Variants in ST6GALNAC5 observed in about 807,000 individuals in gnomAD.
The protein encoded by ST6GALNAC5 is ST6 N-acetylgalactosaminide alpha-2,6-sialyltransferase 5.
ST6GALNAC5 carries 27 observed loss-of-function variants against 33.6 expected under a neutral mutation model. The ratio of observed to expected loss-of-function variants is 0.80; its 90% CI spans 0.59 to 1.11. The LOEUF (loss-of-function observed/expected upper bound fraction) is 1.11. Ranked by LOEUF, ST6GALNAC5 falls within the 50% of genes least tolerant of loss-of-function variation. The pLI is 0.00. For synonymous variants in ST6GALNAC5, 194 were observed against 171.2 expected, an observed-to-expected ratio of 1.13 and a Z score of -1.04; for missense variants, 428 against 454.0, an observed-to-expected ratio of 0.94 and a Z score of 0.52.
chr1:76,992,283 G>A (rs1649765577), intron 2 of ST6GALNAC5, among the ~76,000 whole-genome samples: 1 of 152,098 alleles, frequency 6.6e-6, no homozygotes, highest in African/African-American at 2.4e-5. Context: ...TGCTTCATCT[G>A]ATTTTAGTCA....
intron 2 of ST6GALNAC5, among the ~76,000 whole-genome samples, chr1:76,936,990 A>T (rs199720333): frequency 2.2e-5 from 2 of 90,568 alleles, no homozygotes; most frequent in Non-Finnish European, 2.4e-5. Flanking sequence ...GTGTGTGTGT[A>T]TGTGTTAGAA....
chr1:77,016,677 T>A (rs1309984531), intron 2 of ST6GALNAC5, among the ~76,000 whole-genome samples: 2 of 152,136 alleles, frequency 1.3e-5, no homozygotes, highest in African/African-American at 4.8e-5. Flanking sequence ...CCTCTTTGTA[T>A]GTCACTCAAA....
intron 2 of ST6GALNAC5, among the ~76,000 whole-genome samples, chr1:76,932,923 T>C (rs552753755): frequency 1.2e-4 from 19 of 152,250 alleles, no homozygotes; most frequent in Admixed American, 1.2e-3. Context: ...GACAGTGTAT[T>C]GCAGCTTTGC....
intron 2 of ST6GALNAC5, among the ~76,000 whole-genome samples, chr1:76,967,491 T>C (rs1398006415): frequency 1.3e-5 from 2 of 152,194 alleles, no homozygotes; most frequent in Non-Finnish European, 2.9e-5. Context: ...TTTAGCAGTC[T>C]TGCTAGCAGT....
chr1:76,907,592 C>T (rs536486036), intron 2 of ST6GALNAC5, among the ~76,000 whole-genome samples: 1 of 152,300 alleles, frequency 6.6e-6, no homozygotes, highest in African/African-American at 2.4e-5. Flanking sequence ...AGCCCCAGTA[C>T]TTTACCATGC....
intron 2 of ST6GALNAC5, among the ~76,000 whole-genome samples, chr1:77,016,300 C>A (rs1435558721): frequency 6.8e-6 from 1 of 146,322 alleles, no homozygotes; most frequent in Admixed American, 6.8e-5. Flanking sequence ...GTATCTCCTC[C>A]CCCTCCTCCT....
intron 2 of ST6GALNAC5, among the ~76,000 whole-genome samples, chr1:77,009,406 T>C (rs991884197): frequency 2.0e-5 from 3 of 152,070 alleles, no homozygotes; most frequent in African/African-American, 7.2e-5. Context: ...AATTTCACTA[T>C]AAACATGGCA....
chr1:76,917,810 C>A (rs1314724538), intron 2 of ST6GALNAC5, among the ~76,000 whole-genome samples: 1 of 152,034 alleles, frequency 6.6e-6, no homozygotes, highest in East Asian at 1.9e-4. Context: ...GCTGAAGACC[C>A]AAGAAGAGTC....
chr1:76,896,414 C>T (rs554787722), intron 2 of ST6GALNAC5, among the ~76,000 whole-genome samples: 51 of 152,220 alleles, frequency 3.4e-4, no homozygotes, highest in African/African-American at 1.2e-3. Context: ...AAGTTATTTC[C>T]TTGAGGATAG....
At chr1:76,870,654 C>G (rs548552442) in intron 2 of ST6GALNAC5, among the ~76,000 whole-genome samples, 60 of 152,216 alleles carry the variant, frequency 3.9e-4, no homozygotes, top group Non-Finnish European at 7.8e-4. Flanking sequence ...TGTTGATACC[C>G]TACATGGGAA....
intron 2 of ST6GALNAC5, among the ~76,000 whole-genome samples, chr1:77,042,296 C>A (rs1651855983): frequency 6.6e-6 from 1 of 152,202 alleles, no homozygotes; most frequent in Non-Finnish European, 1.5e-5. Flanking sequence ...TCCACAGCCC[C>A]TTACTCCGAC....
At chr1:76,951,544 T>C (rs2100338295) in intron 2 of ST6GALNAC5, among the ~76,000 whole-genome samples, 1 of 151,886 alleles carries the variant, frequency 6.6e-6, no homozygotes, top group East Asian at 1.9e-4. Context: ...AGATGACAGG[T>C]TGTTGGGTGC....
At chr1:76,938,720 C>A (rs1237310898) in intron 2 of ST6GALNAC5, among the ~76,000 whole-genome samples, 3 of 152,044 alleles carry the variant, frequency 2.0e-5, no homozygotes, top group Non-Finnish European at 2.9e-5. Context: ...ATGCAATTCA[C>A]CAAGTCAGCA....
chr1:77,013,623 A>G (rs1271153246), intron 2 of ST6GALNAC5, among the ~76,000 whole-genome samples: 11 of 152,172 alleles, frequency 7.2e-5, no homozygotes, highest in Admixed American at 7.2e-4. Flanking sequence ...CCTAAATCCT[A>G]ACGCTACATT....
chr1:76,964,942 C>G (rs977690350), intron 2 of ST6GALNAC5, among the ~76,000 whole-genome samples: 1 of 151,816 alleles, frequency 6.6e-6, no homozygotes, highest in African/African-American at 2.4e-5. Flanking sequence ...TGAACTCATC[C>G]TTTTTTATGG....
intron 2 of ST6GALNAC5, among the ~76,000 whole-genome samples, chr1:76,950,532 T>A (rs1252600): frequency 0.11 from 17,382 of 152,036 alleles, 2,417 homozygotes; most frequent in African/African-American, 0.33. Context: ...GAATTTAGAG[T>A]TAAATTAGAG....
chr1:76,936,887 G>A (rs1647210146), intron 2 of ST6GALNAC5, among the ~76,000 whole-genome samples: 1 of 150,544 alleles, frequency 6.6e-6, no homozygotes, highest in African/African-American at 2.4e-5. Flanking sequence ...TTAAAAATGA[G>A]GATATGAACC....
rs565721082 is a variant in ST6GALNAC5 at position 76,966,142 on chromosome 1, G to A, written c.262-78062G>A. 1.0e-3 allele frequency among the ~76,000 whole-genome samples: 157 copies of A among 152,292 alleles called. 1 individual carries two copies. The highest frequency in any genetic ancestry group is 3.8e-3 in the African/African-American group (156 of 41,552). On this transcript the variant is annotated intron_variant, in intron 2 of 4. Coordinates refer to ENST00000477717, the MANE Select transcript of ST6GALNAC5 (RefSeq NM_030965.3). Reference sequence around the variant, plus strand: ...AGTTGTTTCCAATTCTATGAAAAATGTCATTGGTAGCTTAATGGGGATGGC... The same window carrying A: ...AGTTGTTTCCAATTCTATGAAAAATATCATTGGTAGCTTAATGGGGATGGC...
chr1:76,910,889 A>G (rs2100279787), intron 2 of ST6GALNAC5, among the ~76,000 whole-genome samples: 1 of 152,174 alleles, frequency 6.6e-6, no homozygotes, highest in Non-Finnish European at 1.5e-5. Flanking sequence ...GCAAAAAAAA[A>G]AAGAGCATAA....
Sources: allele counts gnomAD v4.1 joint callset (sites outside exome capture counted in the v4.1 genomes callset), GRCh38; gene constraint gnomAD v4.1.1; transcripts MANE v1.5; gene names NCBI Gene and HGNC (gene_info 2026-07-23, HGNC 2026-07-21).